The following NRG1 variants were observed in gnomAD, a reference collection of about 807,000 sequenced individuals.
NRG1 encodes pro-neuregulin-1, membrane-bound isoform.
Under a neutral mutation model 63.8 loss-of-function variants are expected in NRG1, and 18 were observed. The observed-to-expected ratio is 0.28, with a 90% CI of 0.19 to 0.42. NRG1 has a LOEUF of 0.42. Among genes scored for constraint, NRG1 ranks in the 10% least tolerant of loss-of-function variants. The probability of loss-of-function intolerance (pLI) is 1.00; values close to 1 mark genes in which losing one functional copy is unlikely to be tolerated. For synonymous variants in NRG1, 302 were observed against 301.3 expected (o/e 1.00, Z -0.02); for missense variants, 762 against 814.7 (o/e 0.94, Z 0.79).
chr8:31,804,828 C>T (rs536276170), intron 1 of NRG1, among the ~76,000 whole-genome samples: 1 of 152,292 alleles, frequency 6.6e-6, no homozygotes, highest in African/African-American at 2.4e-5. Context: ...GCCTTCATAG[C>T]AACACCTTGA....
chr8:32,634,766 T>C lies in NRG1; in HGVS notation c.502+17881T>C, dbSNP rs545579214. Among the ~76,000 whole-genome samples, 4 of 152,342 alleles carry C rather than the reference T, an allele frequency of 2.6e-5. No homozygotes were observed. In the South Asian group the frequency reaches 6.2e-4, roughly 24 times the overall value. Reference sequence around the variant, plus strand: ...AAACAATGATCTCTTATGTAATTGATGATTTTAAAAAATGCTTTGAAAGTC... The same window carrying C: ...AAACAATGATCTCTTATGTAATTGACGATTTTAAAAAATGCTTTGAAAGTC... On this transcript the variant is annotated intron_variant, in intron 5 of 11. Transcript: ENST00000356819.
chr8:32,364,966 T>A (rs1476752209), intron 1 of NRG1, among the ~76,000 whole-genome samples: 2 of 144,768 alleles, frequency 1.4e-5, no homozygotes, highest in South Asian at 4.4e-4. Context: ...ACTTTTTTTT[T>A]TTTTTTTTTT....
At chr8:32,637,771 T>G (rs1391897367) in intron 5 of NRG1, among the ~76,000 whole-genome samples, 1 of 152,136 alleles carries the variant, frequency 6.6e-6, no homozygotes, top group Non-Finnish European at 1.5e-5. Context: ...GGGAAGTTGT[T>G]GGGTTCTGGA....
chr8:31,640,416 C>T lies in NRG1; in HGVS notation c.37+985C>T. The T allele has an allele frequency of 6.7e-7, 1 of 1,490,634 alleles. No individual in the cohort carries two copies. The allele number at this position is 1,490,634 out of a possible 1,614,324, so 92.3% of individuals were successfully genotyped here. ...CCAACGGGACCGTGCCCTCTTGGCC[C>T]ACCGCCCCGGTGCCCAGCGCCGGCG... is the stretch of plus-strand genomic sequence containing the variant. On this transcript the variant is annotated intron_variant, in intron 1 of 10. Transcript: ENST00000519301. The surrounding 1 kb of genome is among the most constrained non-coding windows in gnomAD (Gnocchi z 6.3).
At chr8:32,221,069 T>C (rs1271612832) in intron 1 of NRG1, 5 of 152,168 alleles carry the variant, frequency 3.3e-5, no homozygotes, top group African/African-American at 1.2e-4. Flanking sequence ...AGTTTTAACC[T>C]ACACTCAATG....
At chr8:32,404,906 C>G (rs960502468) in intron 1 of NRG1, among the ~76,000 whole-genome samples, 1 of 152,102 alleles carries the variant, frequency 6.6e-6, no homozygotes, top group Non-Finnish European at 1.5e-5. Context: ...CTTAAAACTT[C>G]TTCCATGTTC....
intron 7 of NRG1, among the ~76,000 whole-genome samples, chr8:32,747,732 G>GTGTGTATATATATATA (rs1264111970): frequency 7.6e-6 from 1 of 132,116 alleles, no homozygotes; most frequent in East Asian, 2.3e-4. Context: ...ATGTGTGTGT[G>GTGTGTATATATATATA]TATATATATA....
chr8:31,814,846 T>C (rs1223456941), intron 1 of NRG1, among the ~76,000 whole-genome samples: 1 of 152,040 alleles, frequency 6.6e-6, no homozygotes, highest in Non-Finnish European at 1.5e-5. Context: ...CAAGGAAGTA[T>C]ATTTCTCTTG....
intron 5 of NRG1, among the ~76,000 whole-genome samples, chr8:32,630,729 GTTT>G (rs397891668): frequency 7.4e-6 from 1 of 135,522 alleles, no homozygotes; most frequent in African/African-American, 2.7e-5. Flanking sequence ...CAGATTTTAG[GTTT>G]TTTTTTTTTT....
chr8:32,267,824 A>G (rs1441636430), intron 1 of NRG1, among the ~76,000 whole-genome samples: 1 of 152,146 alleles, frequency 6.6e-6, no homozygotes, highest in Non-Finnish European at 1.5e-5. Flanking sequence ...TTCATAGAAA[A>G]CCATCGTGCA....
chr8:32,474,334 T>A (rs1824211599), intron 1 of NRG1, among the ~76,000 whole-genome samples: 1 of 152,150 alleles, frequency 6.6e-6, no homozygotes, highest in Admixed American at 6.5e-5. Context: ...GTTGGGAAAC[T>A]GATTCCATTA....
chr8:31,651,132 G>A (rs564546470), intron 1 of NRG1, among the ~76,000 whole-genome samples: 1 of 152,310 alleles, frequency 6.6e-6, no homozygotes, highest in Non-Finnish European at 1.5e-5. Context: ...CTCTAAGAGA[G>A]GAGAAAGAGA....
chr8:32,287,696 A>G (rs1853699859), intron 1 of NRG1: 1 of 152,214 alleles, frequency 6.6e-6, no homozygotes, highest in Non-Finnish European at 1.5e-5. Context: ...CTGAATAGAG[A>G]AGAAAAATAG....
chr8:31,668,006 CAT>C (rs537403116), intron 1 of NRG1, among the ~76,000 whole-genome samples: 23 of 152,126 alleles, frequency 1.5e-4, no homozygotes, highest in Non-Finnish European at 2.6e-4. Flanking sequence ...AAAATCAACA[CAT>C]GTCACATTAA....
At chr8:31,639,633 G>C in intron 1 of NRG1, 7 of 1,411,368 alleles carry the variant, frequency 5.0e-6, no homozygotes, top group Non-Finnish European at 6.5e-6. Context: ...GTCCTCCTCC[G>C]GTGACAGCAG....
chr8:32,756,033 C>T (rs571895819), intron 8 of NRG1, among the ~76,000 whole-genome samples: 1 of 152,254 alleles, frequency 6.6e-6, no homozygotes, highest in East Asian at 1.9e-4. Flanking sequence ...TGAGCCACCC[C>T]ACCCAGCCCA....
chr8:32,464,667 GT>G (rs374424328), intron 1 of NRG1, among the ~76,000 whole-genome samples: 3 of 151,030 alleles, frequency 2.0e-5, no homozygotes, highest in African/African-American at 4.9e-5. Context: ...CCAGACCGTG[GT>G]TTTTTTTTGT....
intron 1 of NRG1, among the ~76,000 whole-genome samples, chr8:31,653,012 C>T (rs62506871): frequency 0.12 from 8,359 of 72,066 alleles, 1,375 homozygotes; most frequent in East Asian, 0.42. Flanking sequence ...CTCCTCCCCT[C>T]CCCTCCCCTC....
At chr8:32,252,787 G>A (rs1849266593) in intron 1 of NRG1, among the ~76,000 whole-genome samples, 1 of 152,162 alleles carries the variant, frequency 6.6e-6, no homozygotes. Flanking sequence ...ACTTTGGGCA[G>A]TATGGCCATT....
Sources: allele counts gnomAD v4.1 joint callset (sites outside exome capture counted in the v4.1 genomes callset), GRCh38; gene constraint gnomAD v4.1.1; non-coding constraint Gnocchi (gnomAD v3.1); transcripts MANE v1.5; gene names NCBI Gene and HGNC (gene_info 2026-07-23, HGNC 2026-07-21).